The following TMEM132A variants were observed in gnomAD, a reference collection of about 807,000 sequenced individuals.
The protein encoded by TMEM132A is GRP78-binding protein.
Under a neutral mutation model 69.9 loss-of-function variants are expected in TMEM132A, and 48 were observed. The observed-to-expected ratio is 0.69, with a 90% CI of 0.55 to 0.87. The LOEUF (loss-of-function observed/expected upper bound fraction) is 0.87. TMEM132A is among the 40% of genes least tolerant of loss of function. The pLI is 0.00. For synonymous variants in TMEM132A, 577 were observed against 613.7 expected, an observed-to-expected ratio of 0.94 and a Z score of 0.88; for missense variants, 1,287 against 1,407.2, an observed-to-expected ratio of 0.91 and a Z score of 1.37.
Position 60,934,578 on chromosome 11 carries a change from C to A in TMEM132A, c.1650C>A (p.Phe550Leu). Residue 550 changes from phenylalanine to leucine, a missense_variant, in exon 9 of 11, where the codon TTC becomes TTA. Phe to Leu is a conservative substitution (Grantham distance 22). Transcript: ENST00000453848. ...AGTACCAGCGGGCCGGTGTGCGCTT[C>A]CTCGCCCCCTTCGCGGCCCACCCGC... is the stretch of plus-strand genomic sequence containing the variant. ...HLQYQRAGVR[F>L]LAPFAAHPLD... 6.4e-7 allele frequency: 1 copy of A among 1,551,902 alleles called. No homozygotes were observed. Among genetic ancestry groups the A allele is most frequent in the Non-Finnish European group, 8.6e-7 (1 of 1,157,246 alleles).
In TMEM132A at chr11:60,924,661, AC is replaced by A; in HGVS notation, c.29del (p.Thr10LysfsTer23). The A allele has an allele frequency of 6.3e-7, 1 of 1,594,758 alleles. No homozygotes were observed. Among genetic ancestry groups the A allele is most frequent in the Admixed American group, 1.7e-5 (1 of 59,644 alleles). On this transcript the variant is annotated frameshift_variant, in exon 1 of 11. Coordinates refer to ENST00000453848, the MANE Select transcript of TMEM132A (RefSeq NM_178031.3). LOFTEE classifies it high-confidence loss of function. Reference sequence around the variant, plus strand: ...GTGCGCGCGGATGGCCGGTCGCACAACAGCGGCCCCTCGGGGGCCCTACGGC... The same window carrying A: ...GTGCGCGCGGATGGCCGGTCGCACAAAGCGGCCCCTCGGGGGCCCTACGGC... MCARMAGRT[T>X]AAPRGPYGPW...
Position 60,928,771 on chromosome 11 carries a change from A to T in TMEM132A, c.677A>T (p.Asp226Val). 1 of 1,609,586 alleles carries T rather than the reference A, an allele frequency of 6.2e-7. No homozygotes were observed. Among genetic ancestry groups the T allele is most frequent in the Non-Finnish European group, 8.5e-7 (1 of 1,178,906 alleles). Residue 226 changes from aspartate (D) to valine (V), a missense_variant, in exon 4 of 11, where the codon GAC (aspartate) becomes GTC (valine). By Grantham distance (152) the Asp-to-Val change is radical. Transcript: ENST00000453848. The stretch of plus-strand genomic sequence containing the variant: ...GGCTGTGGCTCCGGCGAGGAGAACG[A>T]CCCTGGGGAGCAGGCCCTCCCAGTG... ...PGGCGSGEEN[D>V]PGEQALPVGG...
chr11:60,933,392 C>T (rs534125), intron 7 of TMEM132A, 150 bp from the exon 8 acceptor site: 262,264 of 620,348 alleles, frequency 0.42, 56,095 homozygotes, highest in Middle Eastern at 0.47. Flanking sequence ...CCATGTTGCC[C>T]AGGCTGGTCT....
At position 60,936,005 on chromosome 11, in the gene TMEM132A, C is replaced by A. The variant is rs1405693063; in HGVS notation, c.2170C>A (p.Leu724Ile). 1 of 1,608,134 alleles carries A rather than the reference C, an allele frequency of 6.2e-7. No homozygotes were observed. Among genetic ancestry groups the A allele is most frequent in the East Asian group, 2.2e-5 (1 of 44,868 alleles). Residue 724 changes from leucine (L) to isoleucine (I), a missense_variant, in exon 11 of 11, where the codon CTC becomes ATC. Coordinates refer to ENST00000453848, the MANE Select transcript of TMEM132A (RefSeq NM_178031.3). ...ILPAEEQGAQ[L>I]GVVVSGAGAE... ...GCCAGCTGAGGAGCAGGGTGCCCAGCTCGGGGTGGTGGTGAGTGGGGCAGG... is the reference window on the plus strand; with the variant it reads ...GCCAGCTGAGGAGCAGGGTGCCCAGATCGGGGTGGTGGTGAGTGGGGCAGG...
At position 60,928,822 on chromosome 11, in the gene TMEM132A, A is replaced by AC; in HGVS notation, c.734dup (p.Gln246AlafsTer17). ...GGGGGTGTGGAGCTGCGCCCAGCAG[A>AC]CCCCCCGCAGTACCAGGAGGTACCT... On this transcript the variant is annotated frameshift_variant, in exon 4 of 11. Transcript: ENST00000453848. LOFTEE classifies it high-confidence loss of function. The AC allele has an allele frequency of 1.2e-6, 2 of 1,611,524 alleles. No individual in the cohort carries two copies. Among genetic ancestry groups the AC allele is most frequent in the Non-Finnish European group, 1.7e-6 (2 of 1,179,682 alleles).
Position 60,936,770 on chromosome 11 carries a change from G to A in TMEM132A, c.2935G>A (p.Glu979Lys), listed in dbSNP as rs748046134. 2 of 1,612,692 alleles carry A rather than the reference G, an allele frequency of 1.2e-6. No homozygotes were observed. The highest frequency in any genetic ancestry group is 1.1e-5 in the South Asian group (1 of 90,946). Residue 979 changes from glutamate (E) to lysine (K), a missense_variant, in exon 11 of 11, where the codon GAG (glutamate) becomes AAG (lysine). Transcript: ENST00000453848. ...APAPPAQSPE[E>K]PVGAPAVQSI... is the part of the protein sequence containing the mutation. ...AGCCCCTCCAGCCCAGTCACCTGAG[G>A]AGCCTGTAGGGGCCCCTGCTGTGCA...
At position 60,930,622 on chromosome 11, in the gene TMEM132A, A is replaced by G; in HGVS notation, c.979A>G (p.Thr327Ala). Residue 327 changes from threonine to alanine, a missense_variant, in exon 5 of 11, where the codon ACC becomes GCC. By Grantham distance (58) the Thr-to-Ala change is moderately conservative (BLOSUM62 0). Transcript: ENST00000453848. ...KGSRHHTTLI[T>A]CHRAGLTEPD... is the part of the protein sequence containing the mutation. The stretch of plus-strand genomic sequence containing the variant: ...CTCCAGGCACCACACCACCCTCATC[A>G]CCTGCCACCGTGCTGGGCTCACAGA... The G allele has an allele frequency of 6.2e-7, 1 of 1,612,900 alleles. No individual in the cohort carries two copies.
At chr11:60,933,824 GC>G (rs1162245657) in intron 8 of TMEM132A, 80 bp downstream of exon 8, 1 of 1,352,916 alleles carries the variant, frequency 7.4e-7, no homozygotes. Flanking sequence ...ACAGCCATGG[GC>G]CCAAGTCGGG....
intron 1 of TMEM132A, chr11:60,925,485 T>C (rs914376097): frequency 6.6e-6 from 1 of 152,166 alleles, no homozygotes; most frequent in Non-Finnish European, 1.5e-5. Context: ...CTTGTAATTA[T>C]GGAGGCAATG....
Position 60,937,153 on chromosome 11 carries a change from A to C in TMEM132A, c.*246A>C. 1 of 1,558,446 alleles carries C rather than the reference A, an allele frequency of 6.4e-7. No individual in the cohort carries two copies. Among genetic ancestry groups the C allele is most frequent in the South Asian group, 1.2e-5 (1 of 84,808 alleles). ...TTCTAACAGAATAAACCGAGAAGGA[A>C]ACCAGAGCTGGGACTGCTGCCGTCT... On this transcript the variant is annotated 3_prime_UTR_variant, in exon 11 of 11. Coordinates refer to ENST00000453848, the MANE Select transcript of TMEM132A (RefSeq NM_178031.3).
intron 3 of TMEM132A, 125 bp from the exon 4 acceptor site, chr11:60,928,504 G>A (rs374314423): frequency 6.7e-6 from 6 of 898,358 alleles, no homozygotes; most frequent in South Asian, 1.6e-5. Flanking sequence ...CTGTGTCTCC[G>A]GCCCATGCTG....
intron 4 of TMEM132A, among the ~76,000 whole-genome samples, chr11:60,930,045 A>C (rs1856442381): frequency 6.6e-6 from 1 of 152,240 alleles, no homozygotes; most frequent in African/African-American, 2.4e-5. Context: ...CCACCACTGG[A>C]AAAGCTTTCT....
Position 60,935,661 on chromosome 11 carries a change from C to A in TMEM132A, c.2029-203C>A. The A allele has an allele frequency of 1.3e-6, 1 of 775,418 alleles. No homozygotes were observed. Among genetic ancestry groups the A allele is most frequent in the Non-Finnish European group, 2.0e-6 (1 of 494,020 alleles). 48.0% of individuals were successfully genotyped at this position (775,418 alleles called of 1,614,324 possible). A position where few individuals can be genotyped will look rare whatever the true frequency, so the allele number is the denominator to read the frequency against. On this transcript the variant is annotated intron_variant, in intron 10 of 10. Coordinates refer to ENST00000453848, the MANE Select transcript of TMEM132A (RefSeq NM_178031.3). This position sits in a 1 kb window ranked among gnomAD's most constrained non-coding sequence, Gnocchi z 5.0. ...TGGTTAGATGGCTCTAACTGAGGAC[C>A]CTCCCAATAACTCAGACCCTAGGGC...
chr11:60,930,733 G>A (rs1163473073), intron 5 of TMEM132A, 74 bp downstream of exon 5: 1 of 1,438,206 alleles, frequency 7.0e-7, no homozygotes, highest in Admixed American at 2.4e-5. Context: ...CAGATTTGGA[G>A]GCTGCCATGC....
chr11:60,930,373 G>T (rs1412696744), intron 4 of TMEM132A, 137 bp from the exon 5 acceptor site: 3 of 1,056,342 alleles, frequency 2.8e-6, no homozygotes, highest in Non-Finnish European at 4.0e-6. Context: ...GGTCCTTCTG[G>T]GTTGGAGGAT....
At position 60,924,673 on chromosome 11, in the gene TMEM132A, C is replaced by A; in HGVS notation, c.40C>A (p.Arg14=). The A allele has an allele frequency of 6.3e-7, 1 of 1,594,138 alleles. No individual in the cohort carries two copies. The highest frequency in any genetic ancestry group is 8.5e-7 in the Non-Finnish European group (1 of 1,176,534). ...GGCCGGTCGCACAACAGCGGCCCCT[C>A]GGGGGCCCTACGGCCCCTGGCTCTG... ...RMAGRTTAAP[R]GPYGPWLCLL... is the part of the protein sequence containing the mutation. The change falls in exon 1 of 11, where the codon CGG becomes AGG. Residue 14 remains arginine (R), a synonymous_variant. Coordinates refer to ENST00000453848, the MANE Select transcript of TMEM132A (RefSeq NM_178031.3).
At chr11:60,932,625 A>G (rs1161837806) in intron 7 of TMEM132A, 2 of 152,472 alleles carry the variant, frequency 1.3e-5, no homozygotes, top group African/African-American at 4.8e-5. Context: ...TAATAATTAT[A>G]CAATGGTAAA....
chr11:60,935,637 G>A lies in TMEM132A; in HGVS notation c.2028+194G>A. 1.3e-6 allele frequency: 1 copy of A among 781,510 alleles called. No homozygotes were observed. Among genetic ancestry groups the A allele is most frequent in the South Asian group, 1.8e-5 (1 of 54,624 alleles). The allele number at this position is 781,510 out of a possible 1,614,324, so 48.4% of individuals were successfully genotyped here. A position where few individuals can be genotyped will look rare whatever the true frequency, so the allele number is the denominator to read the frequency against. On this transcript the variant is annotated intron_variant, in intron 10 of 10. Transcript: ENST00000453848. The surrounding 1 kb of genome is among the most constrained non-coding windows in gnomAD (Gnocchi z 5.0). ...GGCTGGAGTATGGCAGTGGGAGGTT[G>A]GTTAGATGGCTCTAACTGAGGACCC...
chr11:60,934,781 C>A lies in TMEM132A; in HGVS notation c.1836+17C>A. 1 of 1,584,438 alleles carries A rather than the reference C, an allele frequency of 6.3e-7. No homozygotes were observed. The highest frequency in any genetic ancestry group is 2.3e-5 in the East Asian group (1 of 44,040). On this transcript the variant is annotated intron_variant, in intron 9 of 10. Transcript: ENST00000453848. ...TCCATTGAGGTAAGCAGCTGGGGACCAGGAGAGTAGACCCCCTGAGAAGGG... is the reference window on the plus strand; with the variant it reads ...TCCATTGAGGTAAGCAGCTGGGGACAAGGAGAGTAGACCCCCTGAGAAGGG...
Sources: allele counts gnomAD v4.1 joint callset (sites outside exome capture counted in the v4.1 genomes callset), GRCh38; gene constraint gnomAD v4.1.1; non-coding constraint Gnocchi (gnomAD v3.1); transcripts MANE v1.5; gene names NCBI Gene and HGNC (gene_info 2026-07-23, HGNC 2026-07-21).